SH3D19: variants seen among roughly 807,000 people sequenced by gnomAD.
SH3D19 encodes SH3 domain-containing protein 19.
SH3D19 carries 58 observed loss-of-function variants against 112.1 expected under a neutral mutation model. The ratio of observed to expected loss-of-function variants is 0.52; its 90% confidence interval spans 0.42 to 0.64. The LOEUF (loss-of-function observed/expected upper bound fraction) is 0.64. Among genes scored for constraint, SH3D19 ranks in the 30% least tolerant of loss-of-function variants. SH3D19 has a pLI of 0.00. For synonymous variants in SH3D19, 391 were observed against 448.5 expected, an observed-to-expected ratio of 0.87 and a Z score of 1.62; for missense variants, 1,090 against 1,263.4, an observed-to-expected ratio of 0.86 and a Z score of 2.08.
chr4:151,221,268 C>G (rs1057303354), intron 2 of SH3D19, among the ~76,000 whole-genome samples: 1 of 152,224 alleles, frequency 6.6e-6, no homozygotes, highest in Admixed American at 6.5e-5. Context: ...TGGAGCCCAT[C>G]ATTCTTGTTG....
intron 1 of SH3D19, among the ~76,000 whole-genome samples, chr4:151,285,060 A>C (rs944372727): frequency 6.6e-6 from 1 of 152,194 alleles, no homozygotes; most frequent in Non-Finnish European, 1.5e-5. Flanking sequence ...ACTATGCATG[A>C]TAATGACTGG....
intron 1 of SH3D19, among the ~76,000 whole-genome samples, chr4:151,324,522 C>T (rs1401024629): frequency 7.6e-6 from 1 of 131,662 alleles, no homozygotes; most frequent in African/African-American, 2.8e-5. Context: ...ATTGAAAAGC[C>T]GCCCGGAAGA....
chr4:151,193,925 TAGAAAGAGTTTATATAGAAAACCTAAAA>T (rs1763014442), intron 2 of SH3D19, among the ~76,000 whole-genome samples: 1 of 151,664 alleles, frequency 6.6e-6, no homozygotes, highest in Admixed American at 6.6e-5. Context: ...AAGTGATCTA[TAGAAAGAGTTTATATAGAAAACCTAAAA>T]AGACAAAAAG....
chr4:151,190,435 C>T (rs1311146815), intron 2 of SH3D19, among the ~76,000 whole-genome samples: 1 of 152,204 alleles, frequency 6.6e-6, no homozygotes, highest in South Asian at 2.1e-4. Flanking sequence ...CCTCCCATCA[C>T]AGGCCCTGAG....
rs1471411664 is a variant in SH3D19 at position 151,165,569 on chromosome 4, G to T, written c.1642+20C>A. 1.6e-5 allele frequency: 25 copies of T among 1,573,466 alleles called. No homozygotes were observed. The highest frequency in any genetic ancestry group is 2.2e-5 in the Non-Finnish European group (25 of 1,145,886). ...CCAGCCTCTTGAAGAAGCTAATAAA[G>T]AAAGCAGAGAAGTGCTTACATTTTC... On this transcript the variant is annotated intron_variant, in intron 8 of 19. Transcript: ENST00000604030.
intron 2 of SH3D19, among the ~76,000 whole-genome samples, chr4:151,209,323 A>G (rs1462773363): frequency 6.6e-6 from 1 of 151,598 alleles, no homozygotes; most frequent in Non-Finnish European, 1.5e-5. Context: ...CTGTCACCCA[A>G]GCTGGAGTGC....
intron 9 of SH3D19, among the ~76,000 whole-genome samples, chr4:151,155,822 G>C (rs1261946195): frequency 6.6e-6 from 1 of 152,186 alleles, no homozygotes; most frequent in Admixed American, 6.5e-5. Context: ...CCAGGAGGTA[G>C]AGGTTGCAGT....
intron 1 of SH3D19, among the ~76,000 whole-genome samples, chr4:151,258,664 C>A (rs1482569864): frequency 6.6e-6 from 1 of 152,190 alleles, no homozygotes; most frequent in Non-Finnish European, 1.5e-5. Context: ...ACGCCGCAGA[C>A]CCCCCAATTC....
Position 151,293,195 on chromosome 4 carries a change from G to C in SH3D19, c.112+32046C>G, listed in dbSNP as rs1002962167. Among the ~76,000 whole-genome samples the C allele has an allele frequency of 9.2e-5, 14 of 151,832 alleles. No individual in the cohort carries two copies. The East Asian group carries it at 2.3e-3, about 25-fold the overall frequency. On this transcript the variant is annotated intron_variant, in intron 1 of 19. Coordinates refer to ENST00000604030, the MANE Select transcript of SH3D19 (RefSeq NM_001378122.1). ...TAGAAAATAAGGGTAGACTGGCCGG[G>C]TGTGGTGGCTCACGCCTGTAATCCC...
At chr4:151,198,747 AT>A (rs1416387754) in intron 2 of SH3D19, among the ~76,000 whole-genome samples, 2 of 152,196 alleles carry the variant, frequency 1.3e-5, no homozygotes, top group Non-Finnish European at 2.9e-5. Flanking sequence ...TTAATTACCA[AT>A]TAAAAAAACA....
Position 151,325,433 on chromosome 4 carries a change from A to C in SH3D19, c.-81T>G. The C allele has an allele frequency of 3.0e-6, 2 of 661,324 alleles. No homozygotes were observed. The highest frequency in any genetic ancestry group is 4.1e-6 in the Non-Finnish European group (2 of 483,756). 41.0% of individuals were successfully genotyped at this position (661,324 alleles called of 1,614,324 possible). ...CCAGAACGCCTGCACCCGGCGCCCC[A>C]CGCCACCGCCCTCGGGCCGGGGGGA... On this transcript the variant is annotated 5_prime_UTR_variant, in exon 1 of 20. Transcript: ENST00000604030.
intron 1 of SH3D19, among the ~76,000 whole-genome samples, chr4:151,304,767 A>AT (rs1258505471): frequency 6.6e-6 from 1 of 152,176 alleles, no homozygotes; most frequent in Non-Finnish European, 1.5e-5. Flanking sequence ...GGCCAACTGT[A>AT]TTACCAGGAT....
intron 1 of SH3D19, among the ~76,000 whole-genome samples, chr4:151,287,118 A>T (rs1020530451): frequency 6.6e-6 from 1 of 151,864 alleles, no homozygotes; most frequent in African/African-American, 2.4e-5. Context: ...AGGCAGGCAG[A>T]TCACCTGATG....
intron 1 of SH3D19, chr4:151,262,986 A>T (rs894642650): frequency 6.6e-6 from 1 of 152,174 alleles, no homozygotes; most frequent in African/African-American, 2.4e-5. Context: ...GCCCTGGGTA[A>T]AGTGACAGTT....
intron 1 of SH3D19, chr4:151,279,193 C>A (rs1773933775): frequency 3.4e-6 from 1 of 291,888 alleles, no homozygotes; most frequent in Non-Finnish European, 6.5e-6. Flanking sequence ...CACCAGCACA[C>A]TAGAGAAAGA....
chr4:151,128,069 C>A (rs1034151035), intron 18 of SH3D19, 101 bp downstream of exon 18: 2 of 944,844 alleles, frequency 2.1e-6, no homozygotes, highest in Non-Finnish European at 3.0e-6. Context: ...CAAATATAGA[C>A]AGACAAACTG....
intron 10 of SH3D19, 68 bp from the exon 11 acceptor site, chr4:151,148,254 T>TAC (rs34219685): frequency 0.017 from 16,880 of 981,220 alleles, 97 homozygotes; most frequent in African/African-American, 0.046. Flanking sequence ...TGTCCTGTCT[T>TAC]ACACACACAC....
At chr4:151,317,848 C>T (rs1253146953) in intron 1 of SH3D19, among the ~76,000 whole-genome samples, 2 of 152,000 alleles carry the variant, frequency 1.3e-5, no homozygotes, top group Admixed American at 6.6e-5. Flanking sequence ...TCGCAGGCAC[C>T]TGTAATCCCA....
At chr4:151,275,122 T>C (rs1457207715) in intron 1 of SH3D19, among the ~76,000 whole-genome samples, 1 of 151,740 alleles carries the variant, frequency 6.6e-6, no homozygotes, top group Non-Finnish European at 1.5e-5. Flanking sequence ...AATCTTGCTC[T>C]GTCGCCCAGG....
Sources: gnomAD v4.1 joint callset for allele counts (sites outside exome capture counted in the v4.1 genomes callset) on GRCh38, gnomAD v4.1.1 for gene constraint, MANE v1.5 for transcripts, NCBI Gene and HGNC (gene_info 2026-07-23, HGNC 2026-07-21) for gene names.